The following PXYLP1 variants were observed in gnomAD, a reference collection of about 807,000 sequenced individuals.
PXYLP1 encodes 2-phosphoxylose phosphatase 1, also known as acid phosphatase-like 2.
Under a neutral mutation model 37.9 loss-of-function variants are expected in PXYLP1, and 17 were observed. That is an observed-to-expected ratio of 0.45 (90% CI 0.31 to 0.67). PXYLP1 has a LOEUF of 0.67. Among genes scored for constraint, PXYLP1 ranks in the 30% least tolerant of loss-of-function variants. The pLI is 0.07. For missense variants in PXYLP1, 511 were observed against 612.0 expected (o/e 0.84, Z 1.74); for synonymous variants, 221 against 232.2 (o/e 0.95, Z 0.44).
At chr3:141,286,566 T>A (rs1942079513) in intron 4 of PXYLP1, among the ~76,000 whole-genome samples, 1 of 152,022 alleles carries the variant, frequency 6.6e-6, no homozygotes, top group Non-Finnish European at 1.5e-5. Flanking sequence ...GTGCGTTGTG[T>A]GTTGGAGGAA....
chr3:141,249,414 C>G (rs371039900), intron 1 of PXYLP1, among the ~76,000 whole-genome samples: 1 of 151,316 alleles, frequency 6.6e-6, no homozygotes, highest in Admixed American at 6.6e-5. Flanking sequence ...GATAACCTGT[C>G]CTTTCAGGTG....
chr3:141,274,429 C>G (rs1941741867), intron 2 of PXYLP1: 19 of 1,473,812 alleles, frequency 1.3e-5, no homozygotes, highest in Admixed American at 1.1e-4. Flanking sequence ...ACGGCCTCCC[C>G]TCTGCTCCTC....
chr3:141,282,999 G>T (rs1024275479), intron 4 of PXYLP1, among the ~76,000 whole-genome samples: 1 of 151,600 alleles, frequency 6.6e-6, no homozygotes, highest in African/African-American at 2.4e-5. Flanking sequence ...ACAGAGTCTC[G>T]CTCTGTCACT....
At chr3:141,240,774 C>T (rs377524714) in intron 1 of PXYLP1, among the ~76,000 whole-genome samples, 4 of 152,192 alleles carry the variant, frequency 2.6e-5, no homozygotes, top group South Asian at 2.1e-4. Context: ...AGCCAAAAGT[C>T]GTCTTCATCC....
chr3:141,243,598 G>A (rs1289995364), intron 1 of PXYLP1, among the ~76,000 whole-genome samples: 4 of 152,166 alleles, frequency 2.6e-5, no homozygotes, highest in Non-Finnish European at 4.4e-5. Context: ...CCTCTTTCAC[G>A]CAGCCCTCTC....
chr3:141,259,128 A>G (rs1471875194), intron 1 of PXYLP1, among the ~76,000 whole-genome samples: 2 of 152,212 alleles, frequency 1.3e-5, no homozygotes, highest in African/African-American at 4.8e-5. Flanking sequence ...CTCAATGGCT[A>G]TATTCAGTTA....
intron 5 of PXYLP1, 93 bp downstream of exon 5, chr3:141,287,546 G>A: frequency 6.8e-7 from 1 of 1,467,526 alleles, no homozygotes. Flanking sequence ...GTGCTGTGCA[G>A]CTCAGAGGGG....
intron 1 of PXYLP1, among the ~76,000 whole-genome samples, chr3:141,259,082 C>T (rs904076894): frequency 9.2e-5 from 14 of 152,204 alleles, no homozygotes; most frequent in Non-Finnish European, 1.8e-4. Flanking sequence ...TTTCGTAGTA[C>T]AGCTTATTGA....
chr3:141,287,547 C>T (rs1576607601), intron 5 of PXYLP1, 94 bp downstream of exon 5: 1 of 1,467,046 alleles, frequency 6.8e-7, no homozygotes, highest in Non-Finnish European at 9.1e-7. Flanking sequence ...TGCTGTGCAG[C>T]TCAGAGGGGG....
At chr3:141,281,441 C>T (rs1941953761) in intron 4 of PXYLP1, among the ~76,000 whole-genome samples, 1 of 152,214 alleles carries the variant, frequency 6.6e-6, no homozygotes, top group Non-Finnish European at 1.5e-5. Flanking sequence ...TGCCTCTGCC[C>T]TCAGGGAGCT....
Position 141,284,496 on chromosome 3 carries a change from A to G in PXYLP1, c.366-2818A>G, listed in dbSNP as rs532036488. Among the ~76,000 whole-genome samples the G allele has an allele frequency of 3.7e-4, 56 of 152,354 alleles. 1 individual carries two copies. The highest frequency in any genetic ancestry group is 2.4e-4 in the Non-Finnish European group (16 of 68,028). The stretch of plus-strand genomic sequence containing the variant: ...ATAGATTTTAGTGTACGACTAGTAC[A>G]CTAGTCTCATCCACACTAGCCTTTA... On this transcript the variant is annotated intron_variant, in intron 4 of 5. Transcript: ENST00000286353.
At chr3:141,287,902 C>T (rs888214036) in intron 5 of PXYLP1, among the ~76,000 whole-genome samples, 4 of 152,254 alleles carry the variant, frequency 2.6e-5, no homozygotes, top group African/African-American at 9.6e-5. Flanking sequence ...GCGCCATATT[C>T]TTTCACTCTG....
chr3:141,235,572 C>A (rs1301768473), intron 1 of PXYLP1: 1 of 152,298 alleles, frequency 6.6e-6, no homozygotes, highest in African/African-American at 2.4e-5. Flanking sequence ...ACAAAAGGAG[C>A]AGTGGCTTGG....
intron 1 of PXYLP1, among the ~76,000 whole-genome samples, chr3:141,242,811 C>G (rs1940842971): frequency 6.6e-6 from 1 of 152,210 alleles, no homozygotes. Context: ...TAATCCCCTC[C>G]ATGCCCCCTG....
At chr3:141,274,307 G>GC (rs1941738769) in intron 2 of PXYLP1, 3 of 1,366,726 alleles carry the variant, frequency 2.2e-6, no homozygotes, top group Non-Finnish European at 2.8e-6. Context: ...TCCTCCTGGA[G>GC]CCCGGCCTGC....
intron 1 of PXYLP1, among the ~76,000 whole-genome samples, chr3:141,252,789 C>T (rs548368059): frequency 6.6e-6 from 1 of 152,318 alleles, no homozygotes; most frequent in Non-Finnish European, 1.5e-5. Context: ...GTCAAATCAC[C>T]CCTCACCACC....
chr3:141,267,587 G>C (rs1260273212), intron 2 of PXYLP1: 1 of 149,084 alleles, frequency 6.7e-6, no homozygotes, highest in Non-Finnish European at 1.5e-5. Flanking sequence ...TTTATGTCCA[G>C]TTGCCACATA....
chr3:141,290,705 A>T (rs911861116), intron 5 of PXYLP1, among the ~76,000 whole-genome samples: 12 of 152,222 alleles, frequency 7.9e-5, no homozygotes, highest in African/African-American at 2.9e-4. Context: ...CTAAGAGCAT[A>T]AAATTAGGAC....
chr3:141,288,271 G>A (rs1041257250), intron 5 of PXYLP1, among the ~76,000 whole-genome samples: 1 of 152,222 alleles, frequency 6.6e-6, no homozygotes, highest in African/African-American at 2.4e-5. Flanking sequence ...GGTGAATTGG[G>A]AAGACCCATT....
Sources: gnomAD v4.1 joint callset for allele counts (sites outside exome capture counted in the v4.1 genomes callset) on GRCh38, gnomAD v4.1.1 for gene constraint, MANE v1.5 for transcripts, NCBI Gene and HGNC (gene_info 2026-07-23, HGNC 2026-07-21) for gene names.